The following TTC39B variants were observed in gnomAD, a reference collection of about 807,000 sequenced individuals.
TTC39B encodes tetratricopeptide repeat protein 39B.
Under a neutral mutation model 96.6 loss-of-function variants are expected in TTC39B, and 92 were observed. The observed-to-expected ratio is 0.95, with a 90% confidence interval of 0.80 to 1.13. The LOEUF (loss-of-function observed/expected upper bound fraction) is 1.13. TTC39B is among the 50% of genes most tolerant of loss of function. The probability of loss-of-function intolerance (pLI) is 0.00; values close to 1 mark genes in which losing one functional copy is unlikely to be tolerated. For missense variants in TTC39B, 955 were observed against 809.3 expected, an observed-to-expected ratio of 1.18 and a Z score of -2.18; for synonymous variants, 367 against 299.4, an observed-to-expected ratio of 1.23 and a Z score of -2.33.
intron 1 of TTC39B, among the ~76,000 whole-genome samples, chr9:15,268,907 A>T (rs1285217250): frequency 6.6e-6 from 1 of 152,152 alleles, no homozygotes; most frequent in Non-Finnish European, 1.5e-5. Context: ...GCATTTAGAA[A>T]AATCCCAAAC....
intron 1 of TTC39B, among the ~76,000 whole-genome samples, chr9:15,281,436 C>G (rs1300847227): frequency 6.6e-6 from 1 of 152,004 alleles, no homozygotes; most frequent in Non-Finnish European, 1.5e-5. Context: ...CTGGACCACT[C>G]ATACAGTGCC....
chr9:15,190,531 A>C (rs1219278698), intron 11 of TTC39B, 23 bp downstream of exon 11: 3 of 1,596,978 alleles, frequency 1.9e-6, no homozygotes, highest in Middle Eastern at 3.3e-4. Context: ...ATGTTCAATG[A>C]AACAATCTAA....
At chr9:15,201,385 C>G (rs932072805) in intron 7 of TTC39B, among the ~76,000 whole-genome samples, 11 of 152,094 alleles carry the variant, frequency 7.2e-5, no homozygotes, top group African/African-American at 2.7e-4. Context: ...GGGAGGGCGT[C>G]AAGCACGGGG....
rs201283075 is a variant in TTC39B, at chr9:15,203,785, T to C, written c.759+38A>G. ...TTTTTCTATGCAGCACTGGCAGTCT[T>C]CCCAGCCAATACGAATTCCAAGCCA... is the stretch of plus-strand genomic sequence containing the variant. On this transcript the variant is annotated intron_variant, in intron 7 of 19. Transcript: ENST00000512701. 2.9e-4 allele frequency: 461 copies of C among 1,573,956 alleles called. 1 individual carries two copies. The highest frequency in any genetic ancestry group is 1.0e-3 in the Middle Eastern group (6 of 5,988).
intron 2 of TTC39B, among the ~76,000 whole-genome samples, chr9:15,254,870 CACT>C (rs1822695643): frequency 1.6e-5 from 2 of 127,052 alleles, no homozygotes; most frequent in African/African-American, 8.7e-5. Flanking sequence ...CAAACACACA[CACT>C]TTTTTTTTTT....
intron 2 of TTC39B, among the ~76,000 whole-genome samples, chr9:15,256,646 G>A (rs866634053): frequency 6.6e-6 from 1 of 152,174 alleles, no homozygotes; most frequent in African/African-American, 2.4e-5. Flanking sequence ...AATGGGGGAA[G>A]ACTAACTGTT....
At position 15,307,066 on chromosome 9, in the gene TTC39B, A is replaced by T; in HGVS notation, c.240+18T>A. 1 of 1,608,700 alleles carries T rather than the reference A, an allele frequency of 6.2e-7. No homozygotes were observed. Among genetic ancestry groups the T allele is most frequent in the Non-Finnish European group, 8.5e-7 (1 of 1,177,630 alleles). On this transcript the variant is annotated intron_variant, in intron 1 of 19. Transcript: ENST00000512701. ...CAGGGCTTCAGGGGCCGGGCCCGCAATCCCCATCGGATCGTACCTCGTCCG... is the reference window on the plus strand; with the variant it reads ...CAGGGCTTCAGGGGCCGGGCCCGCATTCCCCATCGGATCGTACCTCGTCCG...
chr9:15,214,738 T>G (rs1216518620), intron 3 of TTC39B, among the ~76,000 whole-genome samples: 1 of 152,226 alleles, frequency 6.6e-6, no homozygotes, highest in Non-Finnish European at 1.5e-5. Context: ...AATGTCCTCA[T>G]CTATAATTAA....
At chr9:15,281,857 TG>T (rs1443207998) in intron 1 of TTC39B, among the ~76,000 whole-genome samples, 3 of 152,034 alleles carry the variant, frequency 2.0e-5, no homozygotes, top group African/African-American at 7.3e-5. Context: ...TTGTATTTTT[TG>T]GTAGAGGTGG....
At chr9:15,303,633 A>ATT (rs199999024) in intron 1 of TTC39B, among the ~76,000 whole-genome samples, 1 of 145,558 alleles carries the variant, frequency 6.9e-6, no homozygotes, top group Non-Finnish European at 1.5e-5. Context: ...TATGAGAAAA[A>ATT]TTTTTTTTTT....
At chr9:15,262,174 C>T (rs1360905087) in intron 2 of TTC39B, among the ~76,000 whole-genome samples, 1 of 152,180 alleles carries the variant, frequency 6.6e-6, no homozygotes, top group African/African-American at 2.4e-5. Flanking sequence ...TCTCAGCTCA[C>T]TGCAACCTCG....
At chr9:15,215,684 C>A (rs1338993078) in intron 3 of TTC39B, among the ~76,000 whole-genome samples, 3 of 151,524 alleles carry the variant, frequency 2.0e-5, no homozygotes, top group African/African-American at 7.3e-5. Flanking sequence ...ATGGTGAAAC[C>A]CCGTCTCTAC....
chr9:15,299,039 G>A (rs532592293), intron 1 of TTC39B, among the ~76,000 whole-genome samples: 1 of 152,148 alleles, frequency 6.6e-6, no homozygotes, highest in Non-Finnish European at 1.5e-5. Context: ...GCCCTCCTCT[G>A]TGCTCACAAA....
intron 2 of TTC39B, among the ~76,000 whole-genome samples, chr9:15,241,166 G>T (rs1025400869): frequency 3.9e-5 from 6 of 152,074 alleles, no homozygotes; most frequent in Non-Finnish European, 7.4e-5. Flanking sequence ...TGGAAAATGG[G>T]GAATGACAAG....
At chr9:15,262,029 C>T (rs943453971) in intron 2 of TTC39B, among the ~76,000 whole-genome samples, 3 of 152,146 alleles carry the variant, frequency 2.0e-5, no homozygotes, top group African/African-American at 7.2e-5. Flanking sequence ...CTTAAGAGGT[C>T]ACCTCCTTAT....
intron 2 of TTC39B, among the ~76,000 whole-genome samples, chr9:15,265,612 A>G (rs531484270): frequency 5.3e-5 from 8 of 152,344 alleles, no homozygotes; most frequent in African/African-American, 1.9e-4. Flanking sequence ...AATCACATAA[A>G]CAGATTATCT....
chr9:15,291,848 G>C (rs1211679255), intron 1 of TTC39B, among the ~76,000 whole-genome samples: 2 of 152,208 alleles, frequency 1.3e-5, no homozygotes, highest in Non-Finnish European at 2.9e-5. Context: ...ACATGGGCAA[G>C]CTTGCAAGGC....
chr9:15,300,009 T>G (rs1394532979), intron 1 of TTC39B, among the ~76,000 whole-genome samples: 1 of 152,198 alleles, frequency 6.6e-6, no homozygotes, highest in Admixed American at 6.5e-5. Context: ...AGGAAACATT[T>G]CAGGAGAATG....
chr9:15,202,348 G>A (rs1819588948), intron 7 of TTC39B, among the ~76,000 whole-genome samples: 1 of 152,110 alleles, frequency 6.6e-6, no homozygotes, highest in Non-Finnish European at 1.5e-5. Context: ...CAGTGATTCC[G>A]TTTTACTAAA....
Sources: gnomAD v4.1 joint callset for allele counts (sites outside exome capture counted in the v4.1 genomes callset) on GRCh38, gnomAD v4.1.1 for gene constraint, MANE v1.5 for transcripts, NCBI Gene and HGNC (gene_info 2026-07-23, HGNC 2026-07-21) for gene names.